Variants in STPG2 observed in about 807,000 individuals in gnomAD.
The protein encoded by STPG2 is sperm-tail PG-rich repeat-containing protein 2.
A neutral mutation model predicts 54.2 loss-of-function variants in STPG2; 56 were observed. The ratio of observed to expected loss-of-function variants is 1.03; its 90% CI spans 0.83 to 1.29. The LOEUF is 1.29. STPG2 is among the 50% of genes most tolerant of loss of function. The pLI is 0.00. For synonymous variants in STPG2, 200 were observed against 181.8 expected, an observed-to-expected ratio of 1.10 and a Z score of -0.81; for missense variants, 596 against 544.9, an observed-to-expected ratio of 1.09 and a Z score of -0.93.
rs1292002231 is a variant in STPG2 at position 97,868,614 on chromosome 4, G to A, written c.1045-27682C>T. Among the ~76,000 whole-genome samples the A allele has an allele frequency of 5.3e-5, 8 of 151,850 alleles. No individual in the cohort carries two copies. In the East Asian group the frequency reaches 5.8e-4, roughly 11 times the overall value. On this transcript the variant is annotated intron_variant, in intron 8 of 10. Transcript: ENST00000295268. ...TCTGTTTTGGCTAGTAAATTTTGCC[G>A]GTCTGCTTTCTCACATAGAGTGTAC... is the stretch of plus-strand genomic sequence containing the variant.
intron 10 of STPG2, among the ~76,000 whole-genome samples, chr4:97,701,479 G>A (rs1042978452): frequency 1.3e-5 from 2 of 152,068 alleles, no homozygotes; most frequent in Non-Finnish European, 2.9e-5. Context: ...GTTAACCAGA[G>A]GTCTCCATGG....
chr4:98,109,797 C>G (rs1402774399), intron 3 of STPG2, among the ~76,000 whole-genome samples: 1 of 152,106 alleles, frequency 6.6e-6, no homozygotes, highest in African/African-American at 2.4e-5. Flanking sequence ...AAATTAAACA[C>G]TACCCTAGTT....
chr4:97,851,566 C>T (rs936508769), intron 8 of STPG2, among the ~76,000 whole-genome samples: 2 of 152,078 alleles, frequency 1.3e-5, no homozygotes, highest in Non-Finnish European at 2.9e-5. Flanking sequence ...AAATATTTTT[C>T]AAATATTGCT....
intron 8 of STPG2, among the ~76,000 whole-genome samples, chr4:97,900,614 C>G (rs1156510768): frequency 6.6e-6 from 1 of 152,080 alleles, no homozygotes; most frequent in Non-Finnish European, 1.5e-5. Context: ...AAGATCATGT[C>G]TTTTGCAGAA....
intron 10 of STPG2, among the ~76,000 whole-genome samples, chr4:97,563,144 G>A (rs1419566896): frequency 2.6e-5 from 4 of 152,048 alleles, no homozygotes; most frequent in Non-Finnish European, 5.9e-5. Flanking sequence ...TATTCAGAGA[G>A]GCAACTTCTT....
intron 9 of STPG2, among the ~76,000 whole-genome samples, chr4:97,825,314 C>T (rs1728217365): frequency 1.3e-5 from 2 of 152,206 alleles, no homozygotes; most frequent in South Asian, 2.1e-4. Flanking sequence ...TATGAGAGAG[C>T]TTTGGTGTGT....
chr4:97,931,751 C>A (rs1257270202), intron 8 of STPG2, among the ~76,000 whole-genome samples: 1 of 151,840 alleles, frequency 6.6e-6, no homozygotes, highest in East Asian at 1.9e-4. Context: ...TAATCCTGGT[C>A]TCATAGACTG....
chr4:97,738,118 A>G (rs368533124), intron 9 of STPG2, among the ~76,000 whole-genome samples: 1 of 152,202 alleles, frequency 6.6e-6, no homozygotes, highest in East Asian at 1.9e-4. Context: ...ACTAAACTTC[A>G]TAAGTGAAGG....
intron 8 of STPG2, among the ~76,000 whole-genome samples, chr4:97,930,820 T>C (rs1003082275): frequency 6.6e-6 from 1 of 152,184 alleles, no homozygotes; most frequent in African/African-American, 2.4e-5. Flanking sequence ...GCGTGGTATG[T>C]TTTTCTATTT....
intron 6 of STPG2, among the ~76,000 whole-genome samples, chr4:97,976,428 C>A (rs1185185805): frequency 1.3e-5 from 2 of 152,128 alleles, no homozygotes; most frequent in Non-Finnish European, 2.9e-5. Context: ...CAGACATACA[C>A]ATCTCAGGTA....
At position 97,795,803 on chromosome 4, in the gene STPG2, T is replaced by C. The variant is rs1459566262; in HGVS notation, c.1204+44970A>G. On this transcript the variant is annotated intron_variant, in intron 9 of 10. Coordinates refer to ENST00000295268, the MANE Select transcript of STPG2 (RefSeq NM_174952.3). ...GTCTTCCACAATGGGTGAACTAGTT[T>C]ACAGTGCCACCAACAGTGTAAAAGT... Among the ~76,000 whole-genome samples, 7 of 152,306 alleles carry C rather than the reference T, an allele frequency of 4.6e-5. No individual in the cohort carries two copies. In the East Asian group the frequency reaches 1.4e-3, roughly 29 times the overall value.
chr4:98,131,956 A>G (rs567489470), intron 2 of STPG2, among the ~76,000 whole-genome samples: 2 of 152,104 alleles, frequency 1.3e-5, no homozygotes, highest in South Asian at 4.1e-4. Flanking sequence ...TTAAATTCCT[A>G]TGGCATTTCA....
intron 7 of STPG2, among the ~76,000 whole-genome samples, chr4:97,955,485 G>A (rs1733642474): frequency 6.6e-6 from 1 of 152,088 alleles, no homozygotes; most frequent in Non-Finnish European, 1.5e-5. Flanking sequence ...AAAGGGCTGG[G>A]ATTACAGGTG....
intron 8 of STPG2, among the ~76,000 whole-genome samples, chr4:97,878,693 G>A (rs1730265629): frequency 6.6e-6 from 1 of 152,140 alleles, no homozygotes; most frequent in South Asian, 2.1e-4. Context: ...GTCTGTGATG[G>A]GAGGGGCTGC....
intron 8 of STPG2, among the ~76,000 whole-genome samples, chr4:97,915,832 T>G (rs1342009627): frequency 6.6e-6 from 1 of 152,010 alleles, no homozygotes; most frequent in Admixed American, 6.6e-5. Context: ...CACTGTAGGT[T>G]TTTGAGATGG....
intron 2 of STPG2, among the ~76,000 whole-genome samples, chr4:98,131,825 C>T (rs909436979): frequency 1.1e-4 from 17 of 152,144 alleles, no homozygotes; most frequent in African/African-American, 4.1e-4. Context: ...TGTATCTTCA[C>T]TCATGTAATA....
At chr4:97,906,625 T>C (rs368431382) in intron 8 of STPG2, among the ~76,000 whole-genome samples, 307 of 151,998 alleles carry the variant, frequency 2.0e-3, no homozygotes, top group Middle Eastern at 0.017. Flanking sequence ...CAATAAAATA[T>C]TGGCAAACCG....
At chr4:97,714,383 A>G (rs1035806438) in intron 9 of STPG2, among the ~76,000 whole-genome samples, 3 of 152,174 alleles carry the variant, frequency 2.0e-5, no homozygotes, top group African/African-American at 7.2e-5. Context: ...TAGTATCTAA[A>G]GTTCCTTGTG....
intron 10 of STPG2, among the ~76,000 whole-genome samples, chr4:97,655,168 T>C (rs961043781): frequency 1.3e-5 from 2 of 152,074 alleles, no homozygotes; most frequent in East Asian, 1.9e-4. Flanking sequence ...TAGTCTAATA[T>C]AGAAAATCTA....
Sources: allele counts gnomAD v4.1 joint callset (sites outside exome capture counted in the v4.1 genomes callset), GRCh38; gene constraint gnomAD v4.1.1; transcripts MANE v1.5; gene names NCBI Gene and HGNC (gene_info 2026-07-23, HGNC 2026-07-21).